LONRF1: variants seen among roughly 807,000 people sequenced by gnomAD.
LONRF1 encodes LON peptidase N-terminal domain and ring finger 1, also known as LON peptidase N-terminal domain and RING finger protein 1.
LONRF1 carries 37 observed loss-of-function variants against 85.8 expected under a neutral mutation model. The ratio of observed to expected loss-of-function variants is 0.43; its 90% CI spans 0.33 to 0.57. The LOEUF is 0.57. Among genes scored for constraint, LONRF1 ranks in the 20% least tolerant of loss-of-function variants. The pLI, the probability that LONRF1 is intolerant of heterozygous loss-of-function variation, is 0.04. For missense variants in LONRF1, 1,036 were observed against 978.0 expected, an observed-to-expected ratio of 1.06 and a Z score of -0.79; for synonymous variants, 517 against 390.1, an observed-to-expected ratio of 1.33 and a Z score of -3.83.
At chr8:12,741,028 T>G in intron 2 of LONRF1, 32 bp from the exon 3 acceptor site, 1 of 1,603,084 alleles carries the variant, frequency 6.2e-7, no homozygotes, top group Non-Finnish European at 8.5e-7. Context: ...AAAACCTTTG[T>G]GTTAAGAATT....
intron 1 of LONRF1, among the ~76,000 whole-genome samples, chr8:12,750,586 C>T (rs191812079): frequency 2.0e-5 from 3 of 152,264 alleles, no homozygotes; most frequent in Admixed American, 2.0e-4. Flanking sequence ...GGGGAAACTA[C>T]TGTATTGTTT....
chr8:12,727,696 T>C (rs1470293699), intron 10 of LONRF1, among the ~76,000 whole-genome samples: 1 of 152,224 alleles, frequency 6.6e-6, no homozygotes, highest in African/African-American at 2.4e-5. Flanking sequence ...GGTTATTAAC[T>C]TTACAAAGAA....
chr8:12,723,518 C>T (rs968765927), intron 11 of LONRF1, among the ~76,000 whole-genome samples: 13 of 152,236 alleles, frequency 8.5e-5, no homozygotes, highest in African/African-American at 3.1e-4. Flanking sequence ...AACACACGCT[C>T]TTTCCTCCTA....
At chr8:12,730,717 CAAT>C (rs1307376228) in intron 8 of LONRF1, among the ~76,000 whole-genome samples, 1 of 152,142 alleles carries the variant, frequency 6.6e-6, no homozygotes, top group Non-Finnish European at 1.5e-5. Flanking sequence ...ATAAACCACA[CAAT>C]AAAATATCAA....
In LONRF1 at chr8:12,740,868, G is replaced by T. The variant is rs773892100; in HGVS notation, c.963+6C>A. ...CATGAACTGTAATTGTTGGTAAACT[G>T]ATTACCTTTTGTACTTGCAGCTTTG... On this transcript the variant is annotated splice_donor_region_variant and intron_variant, in intron 3 of 11. Transcript: ENST00000398246. 6.2e-7 allele frequency: 1 copy of T among 1,612,218 alleles called. No individual in the cohort carries two copies. Among genetic ancestry groups the T allele is most frequent in the East Asian group, 2.2e-5 (1 of 44,824 alleles).
At chr8:12,749,659 G>T (rs1475710917) in intron 1 of LONRF1, among the ~76,000 whole-genome samples, 1 of 152,090 alleles carries the variant, frequency 6.6e-6, no homozygotes. Context: ...TTATTCATTT[G>T]AAATGGGACA....
At position 12,755,016 on chromosome 8, in the gene LONRF1, G is replaced by T; in HGVS notation, c.405C>A (p.Thr135=). 2 of 1,492,222 alleles carry T rather than the reference G, an allele frequency of 1.3e-6. No individual in the cohort carries two copies. The highest frequency in any genetic ancestry group is 2.2e-5 in the Admixed American group (1 of 45,974). The allele number at this position is 1,492,222 out of a possible 1,614,324, so 92.4% of individuals were successfully genotyped here. The change falls in exon 1 of 12, where the codon ACC becomes ACA. Residue 135 remains threonine, a synonymous_variant. Coordinates refer to ENST00000398246, the MANE Select transcript of LONRF1 (RefSeq NM_152271.5). ...GCRGFLSEPV[T]VPCGHSYCRR... ...GGCAGTAGCTGTGGCCACAGGGCAC[G>T]GTCACCGGCTCGCTCAGGAAGCCCC...
At chr8:12,750,753 C>G (rs1799350151) in intron 1 of LONRF1, among the ~76,000 whole-genome samples, 1 of 152,168 alleles carries the variant, frequency 6.6e-6, no homozygotes, top group African/African-American at 2.4e-5. Context: ...GAATGCTAAA[C>G]TGCTAGTTAA....
At chr8:12,732,602 C>G (rs185990291) in intron 7 of LONRF1, among the ~76,000 whole-genome samples, 293 of 152,336 alleles carry the variant, frequency 1.9e-3, no homozygotes, top group Non-Finnish European at 3.4e-3. Flanking sequence ...CCTGCTTATG[C>G]AAAACATGTC....
Position 12,729,224 on chromosome 8 carries a change from T to C in LONRF1, c.1797A>G (p.Ile599Met), listed in dbSNP as rs770848487. ...TGCCAAACTGTTTGGTTCCAGTCTG[T>C]ATACTTCTTCGAATCATCAATCTGT... The part of the protein sequence containing the change: ...PRYRLMIRRS[I>M]QTGTKQFGMC... The change falls in exon 9 of 12, where the codon ATA becomes ATG. Residue 599 changes from isoleucine (I) to methionine (M), a missense_variant. Around this residue, in one of 3 missense-constraint regions of LONRF1, gnomAD observed 265 missense variants for 301.5 expected, o/e 0.88. Coordinates refer to ENST00000398246, the MANE Select transcript of LONRF1 (RefSeq NM_152271.5). 90 of 1,614,016 alleles carry C rather than the reference T, an allele frequency of 5.6e-5. No homozygotes were observed. The highest frequency in any genetic ancestry group is 7.2e-5 in the Non-Finnish European group (85 of 1,179,916).
chr8:12,741,258 C>G (rs1798924273), intron 2 of LONRF1, among the ~76,000 whole-genome samples: 2 of 152,084 alleles, frequency 1.3e-5, no homozygotes, highest in Non-Finnish European at 2.9e-5. Context: ...GGGGCATGCA[C>G]CTGTAATCCC....
intron 1 of LONRF1, among the ~76,000 whole-genome samples, chr8:12,750,632 A>C (rs537128604): frequency 6.6e-6 from 1 of 152,226 alleles, no homozygotes; most frequent in Non-Finnish European, 1.5e-5. Flanking sequence ...TAGTTGAGTT[A>C]CTAAAGATAA....
At chr8:12,740,342 T>G (rs1377110461) in intron 3 of LONRF1, among the ~76,000 whole-genome samples, 3 of 152,208 alleles carry the variant, frequency 2.0e-5, no homozygotes, top group Non-Finnish European at 4.4e-5. Flanking sequence ...CTTAACCCAA[T>G]GCTTCCCAAA....
Position 12,737,041 on chromosome 8 carries a change from C to T in LONRF1, c.1213G>A (p.Glu405Lys), listed in dbSNP as rs757616962. 5.6e-6 allele frequency: 9 copies of T among 1,613,684 alleles called. No homozygotes were observed. The highest frequency in any genetic ancestry group is 7.6e-6 in the Non-Finnish European group (9 of 1,179,710). The change falls in exon 5 of 12, where the codon GAG becomes AAG. Residue 405 changes from glutamate to lysine, a missense_variant. Physicochemically the swap from Glu to Lys is moderately conservative, Grantham distance 56. This residue lies in a region of LONRF1 where 742 missense variants were observed against 614.4 expected (regional missense o/e 1.21). Coordinates refer to ENST00000398246, the MANE Select transcript of LONRF1 (RefSeq NM_152271.5). ...GAGGACACTCTTTTTAAACAGTCCT[C>T]TCTGGCAGGCATTTCTGTTGAATTT... Reference protein sequence around the residue: ...SINSTEMPAREDCLKRVSSEP... With the variant: ...SINSTEMPARKDCLKRVSSEP...
rs1798763173 is a variant in LONRF1, at chr8:12,737,428, T to C, written c.1114-288A>G. 1.6e-5 allele frequency: 9 copies of C among 562,206 alleles called. No individual in the cohort carries two copies. In the East Asian group the frequency reaches 3.1e-4, roughly 20 times the overall value. The allele number at this position is 562,206 out of a possible 1,614,324, so 34.8% of individuals were successfully genotyped here. A position where few individuals can be genotyped will look rare whatever the true frequency, so the allele number is the denominator to read the frequency against. The stretch of plus-strand genomic sequence containing the variant: ...CGACTTTTTTCTTGTCATTATTCCC[T>C]AGACAATACAGTATAACAACTATTT... On this transcript the variant is annotated intron_variant, in intron 4 of 11. Coordinates refer to ENST00000398246, the MANE Select transcript of LONRF1 (RefSeq NM_152271.5).
rs1376637505 is a variant in LONRF1 at position 12,731,863 on chromosome 8, A to C, written c.1567-6T>G. 1 of 1,606,590 alleles carries C rather than the reference A, an allele frequency of 6.2e-7. No individual in the cohort carries two copies. The highest frequency in any genetic ancestry group is 1.7e-5 in the Admixed American group (1 of 58,392). On this transcript the variant is annotated splice_region_variant and splice_polypyrimidine_tract_variant and intron_variant, in intron 7 of 11. Transcript: ENST00000398246. Reference sequence around the variant, plus strand: ...TACCTCCTATCTGCTAGATACTAAAAGACAATATTATTTTACATTCCAGCA... The same window carrying C: ...TACCTCCTATCTGCTAGATACTAAACGACAATATTATTTTACATTCCAGCA...
chr8:12,741,437 A>C (rs1435779315), intron 2 of LONRF1, among the ~76,000 whole-genome samples: 1 of 152,090 alleles, frequency 6.6e-6, no homozygotes, highest in Non-Finnish European at 1.5e-5. Context: ...ATTGAGGCCA[A>C]AGCATTTTAA....
chr8:12,742,458 C>A (rs546868395), intron 2 of LONRF1, among the ~76,000 whole-genome samples: 3 of 152,272 alleles, frequency 2.0e-5, no homozygotes, highest in African/African-American at 7.2e-5. Context: ...TTGTCCCTAT[C>A]TTCTGAATTA....
chr8:12,748,188 T>C (rs1269504720), intron 1 of LONRF1, among the ~76,000 whole-genome samples: 1 of 152,094 alleles, frequency 6.6e-6, no homozygotes, highest in African/African-American at 2.4e-5. Flanking sequence ...ATGTAGAAAG[T>C]TATTTATTGC....
Sources: allele counts gnomAD v4.1 joint callset (sites outside exome capture counted in the v4.1 genomes callset), GRCh38; gene constraint gnomAD v4.1.1; regional missense constraint gnomAD v4.1.1; transcripts MANE v1.5; gene names NCBI Gene and HGNC (gene_info 2026-07-23, HGNC 2026-07-21).